RAD51B: variants seen among roughly 807,000 people sequenced by gnomAD.
RAD51B encodes the protein DNA repair protein RAD51 homolog 2.
A neutral mutation model predicts 42.2 loss-of-function variants in RAD51B; 38 were observed. The observed-to-expected ratio is 0.90, with a 90% CI of 0.70 to 1.18. RAD51B has a LOEUF of 1.18. Ranked by LOEUF, RAD51B falls within the 50% of genes most tolerant of loss-of-function variation. The pLI is 0.00. For synonymous variants in RAD51B, 154 were observed against 145.2 expected (o/e 1.06, Z -0.43); for missense variants, 373 against 400.7 (o/e 0.93, Z 0.59).
intron 5 of RAD51B, among the ~76,000 whole-genome samples, chr14:67,884,473 C>T (rs1177777824): frequency 1.3e-5 from 2 of 152,170 alleles, no homozygotes; most frequent in Non-Finnish European, 2.9e-5. Context: ...CTGGTAGGTT[C>T]TAAGTGCCAG....
chr14:68,573,850 T>A (rs549895179), intron 10 of RAD51B, among the ~76,000 whole-genome samples: 1 of 152,188 alleles, frequency 6.6e-6, no homozygotes, highest in Non-Finnish European at 1.5e-5. Context: ...AGCTTCACTT[T>A]GGTGCTCAGT....
chr14:67,844,801 GA>G, intron 4 of RAD51B, among the ~76,000 whole-genome samples: 2 of 151,980 alleles, frequency 1.3e-5, no homozygotes, highest in African/African-American at 4.8e-5. Flanking sequence ...CCCAGTGTGT[GA>G]TGTTCCCCTT....
At position 68,171,800 on chromosome 14, in the gene RAD51B, G is replaced by A. The variant is rs572272729; in HGVS notation, c.757-120084G>A. Among the ~76,000 whole-genome samples, 6 of 151,856 alleles carry A rather than the reference G, an allele frequency of 4.0e-5. No homozygotes were observed. The East Asian group carries it at 9.7e-4, about 25-fold the overall frequency. On this transcript the variant is annotated intron_variant, in intron 7 of 10. Coordinates refer to ENST00000471583, the MANE Select transcript of RAD51B (RefSeq NM_133510.4). ...CGGTTCACTTTAACCTCTGCCTCCG[G>A]GGTTCAAGAGATTCTCCTGCCTCAG...
chr14:68,555,423 C>T (rs1293789406), intron 10 of RAD51B, among the ~76,000 whole-genome samples: 4 of 152,122 alleles, frequency 2.6e-5, no homozygotes, highest in Admixed American at 6.5e-5. Flanking sequence ...GTCTGTCTAA[C>T]GGGGTGGGAC....
chr14:68,347,461 C>T (rs563449661), intron 8 of RAD51B, among the ~76,000 whole-genome samples: 3 of 152,266 alleles, frequency 2.0e-5, no homozygotes, highest in African/African-American at 4.8e-5. Context: ...GCAGAAGGAT[C>T]GCTTAAGCCC....
intron 4 of RAD51B, among the ~76,000 whole-genome samples, chr14:67,860,858 G>C (rs2042141013): frequency 6.6e-6 from 1 of 152,184 alleles, no homozygotes; most frequent in Admixed American, 6.6e-5. Context: ...TATGCAAAGA[G>C]AGTATTTCAG....
intron 7 of RAD51B, among the ~76,000 whole-genome samples, chr14:67,920,307 C>T (rs1339596010): frequency 6.6e-6 from 1 of 151,760 alleles, no homozygotes; most frequent in Non-Finnish European, 1.5e-5. Flanking sequence ...TTTTTCAACT[C>T]TAACGTTATT....
intron 8 of RAD51B, among the ~76,000 whole-genome samples, chr14:68,329,638 G>C (rs1056606091): frequency 1.3e-5 from 2 of 152,248 alleles, no homozygotes; most frequent in South Asian, 2.1e-4. Flanking sequence ...CCTTTAAAAA[G>C]ATCATCTTAA....
intron 10 of RAD51B, among the ~76,000 whole-genome samples, chr14:68,500,131 C>T (rs1490573539): frequency 6.6e-6 from 1 of 152,152 alleles, no homozygotes; most frequent in Non-Finnish European, 1.5e-5. Context: ...GAGATCGGAG[C>T]TCATGGTTCA....
At chr14:68,398,516 G>A (rs1303674295) in intron 8 of RAD51B, among the ~76,000 whole-genome samples, 2 of 152,070 alleles carry the variant, frequency 1.3e-5, no homozygotes, top group Non-Finnish European at 2.9e-5. Context: ...GTGAGGACCT[G>A]GGCCCGGTAA....
chr14:68,283,074 T>C (rs2139632327), intron 7 of RAD51B, among the ~76,000 whole-genome samples: 1 of 152,296 alleles, frequency 6.6e-6, no homozygotes, highest in African/African-American at 2.4e-5. Flanking sequence ...CAAATGAGTC[T>C]AAGAAGGGGA....
At chr14:68,274,633 A>C (rs1417444225) in intron 7 of RAD51B, among the ~76,000 whole-genome samples, 1 of 152,218 alleles carries the variant, frequency 6.6e-6, no homozygotes, top group Admixed American at 6.5e-5. Context: ...AGTACTTCCC[A>C]GAATAAAATA....
At chr14:68,234,703 T>C (rs955133103) in intron 7 of RAD51B, among the ~76,000 whole-genome samples, 1 of 152,186 alleles carries the variant, frequency 6.6e-6, no homozygotes, top group African/African-American at 2.4e-5. Context: ...TGAATGGAGC[T>C]TGCAGGACTG....
intron 7 of RAD51B, among the ~76,000 whole-genome samples, chr14:67,996,640 AG>A (rs2075390211): frequency 6.6e-6 from 1 of 152,108 alleles, no homozygotes; most frequent in African/African-American, 2.4e-5. Flanking sequence ...CAGGAGGAAG[AG>A]CCATGGGAAA....
rs367711973 is a variant in RAD51B at position 68,295,755 on chromosome 14, A to G, written c.853+3775A>G. Among the ~76,000 whole-genome samples the G allele has an allele frequency of 3.9e-5, 6 of 152,216 alleles. No homozygotes were observed. In the East Asian group the frequency reaches 9.7e-4, roughly 24 times the overall value. ...TACTCCTCTTAGGTCAACTCAGATC[A>G]TTTTATCGCTGGCTGCTCTTGGCTG... On this transcript the variant is annotated intron_variant, in intron 8 of 10. Coordinates refer to ENST00000471583, the MANE Select transcript of RAD51B (RefSeq NM_133510.4).
chr14:68,124,826 G>A (rs924337454), intron 7 of RAD51B, among the ~76,000 whole-genome samples: 2 of 151,920 alleles, frequency 1.3e-5, no homozygotes, highest in African/African-American at 4.8e-5. Flanking sequence ...GCGGGCACCT[G>A]TAATTCCAGC....
intron 7 of RAD51B, among the ~76,000 whole-genome samples, chr14:68,105,359 A>T (rs1233363770): frequency 6.6e-6 from 1 of 152,040 alleles, no homozygotes; most frequent in African/African-American, 2.4e-5. Context: ...ATAAAATGAT[A>T]ATTTAAAAAT....
At chr14:68,654,200 C>T (rs1198716117) in intron 11 of RAD51B, among the ~76,000 whole-genome samples, 3 of 152,214 alleles carry the variant, frequency 2.0e-5, no homozygotes, top group African/African-American at 7.2e-5. Flanking sequence ...TGCAGGATAT[C>T]TGAGTGGAGA....
intron 10 of RAD51B, among the ~76,000 whole-genome samples, chr14:68,553,724 G>A (rs1888690106): frequency 7.1e-6 from 1 of 140,020 alleles, no homozygotes; most frequent in South Asian, 2.7e-4. Context: ...AGGTGGGTGG[G>A]GGGAGGGTGG....
Sources: gnomAD v4.1 joint callset for allele counts (sites outside exome capture counted in the v4.1 genomes callset) on GRCh38, gnomAD v4.1.1 for gene constraint, MANE v1.5 for transcripts, NCBI Gene and HGNC (gene_info 2026-07-23, HGNC 2026-07-21) for gene names.